Variants in ESPN observed in about 807,000 individuals in gnomAD.
ESPN encodes the protein autosomal recessive deafness type 36 protein.
In ESPN, 68 loss-of-function variants were observed where a neutral mutation model predicts 77.7. The ratio of observed to expected loss-of-function variants is 0.87; its 90% confidence interval spans 0.72 to 1.07. ESPN has a LOEUF of 1.07. Among genes scored for constraint, ESPN ranks in the 50% least tolerant of loss-of-function variants. The pLI is 0.00. For synonymous variants in ESPN, 449 were observed against 567.1 expected (o/e 0.79, Z 2.96); for missense variants, 1,060 against 1,239.0 (o/e 0.86, Z 2.17).
chr1:6,442,414 CA>C (rs1322428797), intron 5 of ESPN, among the ~76,000 whole-genome samples: 1 of 148,234 alleles, frequency 6.7e-6, no homozygotes, highest in Non-Finnish European at 1.5e-5. Context: ...ACTAAAAATA[CA>C]AAAAAAAATT....
rs1405533729 is a variant in ESPN at position 6,450,401 on chromosome 1, T to C, written c.1916-1202T>C. 5 of 887,786 alleles carry C rather than the reference T, an allele frequency of 5.6e-6. No homozygotes were observed. The highest frequency in any genetic ancestry group is 6.7e-6 in the Non-Finnish European group (5 of 741,632). The allele number at this position is 887,786 out of a possible 1,614,324, so 55.0% of individuals were successfully genotyped here. A position where few individuals can be genotyped will look rare whatever the true frequency, so the allele number is the denominator to read the frequency against. On this transcript the variant is annotated intron_variant, in intron 8 of 12. Transcript: ENST00000645284. The surrounding 1 kb of genome is among the most constrained non-coding windows in gnomAD (Gnocchi z 4.3). ...TGTCCCAGTCTCATCCTGCCCCCCC[T>C]CCCTCCTAACTCCGCTGTCACTTCT...
chr1:6,442,917 G>A (rs1557705132), intron 5 of ESPN: 1 of 147,988 alleles, frequency 6.8e-6, no homozygotes, highest in African/African-American at 2.5e-5. Context: ...GGTGGCTCAT[G>A]CCTGCACTTT....
Position 6,448,699 on chromosome 1 carries a change from G to A in ESPN, c.1523G>A (p.Arg508His). 1.3e-6 allele frequency: 2 copies of A among 1,540,702 alleles called. No homozygotes were observed. Among genetic ancestry groups the A allele is most frequent in the Non-Finnish European group, 1.7e-6 (2 of 1,153,950 alleles). The change falls in exon 8 of 13, where the codon CGC (arginine) becomes CAC (histidine). Residue 508 changes from arginine to histidine, a missense_variant. By Grantham distance (29) the Arg-to-His change is conservative. Around this residue, in one of 3 missense-constraint regions of ESPN, gnomAD observed 130 missense variants for 223.9 expected, o/e 0.58. Coordinates refer to ENST00000645284, the MANE Select transcript of ESPN (RefSeq NM_031475.3). The stretch of plus-strand genomic sequence containing the variant: ...AGGCAGGACTCCAGCCGCAAGCCCC[G>A]CGCCTTCAGCAAGCAGCCCAGCACG... The part of the protein sequence containing the change: ...LRRQDSSRKP[R>H]AFSKQPSTGD...
At chr1:6,459,069 C>T (rs1208442044) in intron 12 of ESPN, among the ~76,000 whole-genome samples, 3 of 151,586 alleles carry the variant, frequency 2.0e-5, no homozygotes, top group Admixed American at 1.3e-4. Flanking sequence ...GGTGAAACCC[C>T]GTCTCTACTA....
intron 10 of ESPN, chr1:6,456,746 T>G: frequency 3.4e-6 from 1 of 293,688 alleles, no homozygotes; most frequent in Non-Finnish European, 6.5e-6. Context: ...ATCCACTCTA[T>G]TGGGAAGATG....
chr1:6,461,172 T>C (rs1355962736), downstream of ESPN: 8 of 700,950 alleles, frequency 1.1e-5, no homozygotes, highest in East Asian at 2.2e-4. The surrounding 1 kb of genome is among the most constrained non-coding windows in gnomAD (Gnocchi z 6.3). Flanking sequence ...TTTTGTTTTC[T>C]TTCACAGATT....
intron 10 of ESPN, chr1:6,455,194 C>G (rs1644029141): frequency 2.6e-6 from 1 of 388,518 alleles, no homozygotes; most frequent in Non-Finnish European, 4.6e-6. Context: ...GCGGCGCTGC[C>G]TGAGCCCGAG....
rs576973853 is a variant in ESPN, at chr1:6,458,208, G to A, written c.2417+836G>A. ...TAATTTTGTATTTTTAGTAGAGATG[G>A]GGTTTCACCATGTTGGCCAAGCTGG... On this transcript the variant is annotated intron_variant, in intron 12 of 12. Transcript: ENST00000645284. 8.6e-5 allele frequency among the ~76,000 whole-genome samples: 13 copies of A among 151,916 alleles called. No individual in the cohort carries two copies. The East Asian group carries it at 2.5e-3, about 29-fold the overall frequency.
rs776117555 is a variant in ESPN at position 6,440,580 on chromosome 1, C to T, written c.676-46C>T. 6,808 of 1,056,976 alleles carry T rather than the reference C, an allele frequency of 6.4e-3. 59 individuals are homozygous for T. The highest frequency in any genetic ancestry group is 0.027 in the Middle Eastern group (86 of 3,166). 65.5% of individuals were successfully genotyped at this position (1,056,976 alleles called of 1,614,324 possible). ...GGTACAGGGGGCGGGCCTACAGGGG[C>T]CTGGCGCCCAGCCCCCGCCCCCCTC... On this transcript the variant is annotated intron_variant, in intron 3 of 12. Coordinates refer to ENST00000645284, the MANE Select transcript of ESPN (RefSeq NM_031475.3).
chr1:6,425,640 T>A (rs1393758056), intron 1 of ESPN, among the ~76,000 whole-genome samples: 5 of 152,238 alleles, frequency 3.3e-5, no homozygotes, highest in African/African-American at 1.2e-4. Context: ...GAAAGGAGGC[T>A]GGGCAAAGTC....
intron 10 of ESPN, chr1:6,454,868 C>T (rs1397350050): frequency 5.1e-6 from 2 of 390,928 alleles, no homozygotes; most frequent in Non-Finnish European, 9.0e-6. Context: ...CCTGGCTGCC[C>T]GGGCCGCTCT....
chr1:6,445,731 G>C lies in ESPN; in HGVS notation c.1260G>C (p.Leu420=). The C allele has an allele frequency of 1.2e-6, 2 of 1,610,746 alleles. No homozygotes were observed. Among genetic ancestry groups the C allele is most frequent in the African/African-American group, 1.3e-5 (1 of 74,900 alleles). ...ACATGCTGAACCCGGAGCTGGGCCT[G>C]CCTCGGGGCACGATTGGGAAGCCCA... ...YMDMLNPELG[L]PRGTIGKPTP... is the part of the protein sequence containing the mutation. Residue 420 remains leucine, a synonymous_variant, in exon 7 of 13, where the codon CTG becomes CTC. Coordinates refer to ENST00000645284, the MANE Select transcript of ESPN (RefSeq NM_031475.3).
intron 5 of ESPN, among the ~76,000 whole-genome samples, chr1:6,442,106 T>G (rs987204268): frequency 1.3e-5 from 2 of 152,190 alleles, no homozygotes; most frequent in African/African-American, 4.8e-5. Flanking sequence ...TCTGTGACTC[T>G]GTTGAGGGAC....
chr1:6,455,053 G>C (rs891024712), intron 10 of ESPN: 2 of 381,228 alleles, frequency 5.2e-6, no homozygotes, highest in African/African-American at 4.2e-5. Flanking sequence ...GCCCCGGGCC[G>C]GGAGCCCATC....
At chr1:6,444,759 G>A (rs1643766602) in intron 6 of ESPN, 77 bp downstream of exon 6, 1 of 1,557,500 alleles carries the variant, frequency 6.4e-7, no homozygotes, top group African/African-American at 1.4e-5. Flanking sequence ...ATTGGCCTTG[G>A]GCCGCCCTGC....
intron 10 of ESPN, chr1:6,455,959 CG>C (rs1361940507): frequency 5.5e-5 from 22 of 398,684 alleles, no homozygotes; most frequent in South Asian, 1.3e-4. Context: ...CCATTTCAGA[CG>C]GGGGACCCGC....
chr1:6,441,193 G>A (rs1044366197), intron 5 of ESPN, 128 bp downstream of exon 5: 6 of 1,319,194 alleles, frequency 4.5e-6, no homozygotes, highest in Non-Finnish European at 6.3e-6. Flanking sequence ...TACCCCACAC[G>A]ACCTCTCAGC....
chr1:6,455,182 A>C (rs1644028927), intron 10 of ESPN: 1 of 388,344 alleles, frequency 2.6e-6, no homozygotes, highest in South Asian at 1.3e-4. Flanking sequence ...CAGGATCGCC[A>C]GGCGGCGCTG....
chr1:6,429,654 A>G (rs397833152), intron 2 of ESPN, among the ~76,000 whole-genome samples: 3 of 152,298 alleles, frequency 2.0e-5, no homozygotes, highest in East Asian at 1.9e-4. Context: ...CGCTGAGCCC[A>G]CCTTCTGCAA....
Sources: gnomAD v4.1 joint callset for allele counts (sites outside exome capture counted in the v4.1 genomes callset) on GRCh38, gnomAD v4.1.1 for gene constraint, gnomAD v4.1.1 regional missense constraint, Gnocchi (gnomAD v3.1) non-coding constraint, MANE v1.5 for transcripts, NCBI Gene and HGNC (gene_info 2026-07-23, HGNC 2026-07-21) for gene names.